UST: variants seen among roughly 807,000 people sequenced by gnomAD.
UST encodes the protein uronyl 2-sulfotransferase, also known as chondroitin sulfate 2-O-sulfotransferase.
UST carries 21 observed loss-of-function variants against 45.6 expected under a neutral mutation model. The ratio of observed to expected loss-of-function variants is 0.46; its 90% confidence interval spans 0.33 to 0.66. UST has a LOEUF of 0.66. Ranked by LOEUF, UST falls within the 30% of genes least tolerant of loss-of-function variation. UST has a pLI of 0.02. For missense variants in UST, 463 were observed against 512.4 expected, an observed-to-expected ratio of 0.90 and a Z score of 0.93; for synonymous variants, 215 against 200.6, an observed-to-expected ratio of 1.07 and a Z score of -0.61.
chr6:148,993,644 T>C, intron 5 of UST, among the ~76,000 whole-genome samples: 1 of 151,978 alleles, frequency 6.6e-6, no homozygotes, highest in East Asian at 1.9e-4. Flanking sequence ...AGTGATCAGA[T>C]CATTGACGCA....
intron 7 of UST, among the ~76,000 whole-genome samples, chr6:149,042,174 A>G (rs1776324234): frequency 6.6e-6 from 1 of 152,224 alleles, no homozygotes; most frequent in Non-Finnish European, 1.5e-5. Flanking sequence ...TGAAGTTTGT[A>G]TATGACGTCA....
chr6:148,807,482 T>C (rs571032231), intron 1 of UST, among the ~76,000 whole-genome samples: 129 of 152,158 alleles, frequency 8.5e-4, no homozygotes, highest in Non-Finnish European at 1.6e-3. Context: ...AATGAAGTTA[T>C]GAGAATGGAG....
intron 5 of UST, among the ~76,000 whole-genome samples, chr6:148,984,559 G>A (rs1781204036): frequency 6.6e-6 from 1 of 152,176 alleles, no homozygotes; most frequent in African/African-American, 2.4e-5. Context: ...TTTAGAGACG[G>A]GATCTCACTC....
At chr6:148,932,984 A>T (rs952316974) in intron 2 of UST, among the ~76,000 whole-genome samples, 1 of 152,182 alleles carries the variant, frequency 6.6e-6, no homozygotes, top group Non-Finnish European at 1.5e-5. Flanking sequence ...TACTTTGAGG[A>T]AACTTTGACT....
At chr6:148,854,613 G>A (rs1378882723) in intron 1 of UST, among the ~76,000 whole-genome samples, 1 of 151,888 alleles carries the variant, frequency 6.6e-6, no homozygotes, top group Non-Finnish European at 1.5e-5. Context: ...AGTCAGTGTT[G>A]GAAAACTCTA....
At chr6:148,867,878 G>A (rs1404008144) in intron 1 of UST, among the ~76,000 whole-genome samples, 2 of 152,208 alleles carry the variant, frequency 1.3e-5, no homozygotes, top group African/African-American at 4.8e-5. Context: ...AAGATGAGCA[G>A]TTTGCTGTGC....
intron 1 of UST, among the ~76,000 whole-genome samples, chr6:148,853,220 C>T (rs1028083457): frequency 3.9e-5 from 6 of 152,152 alleles, no homozygotes; most frequent in African/African-American, 1.2e-4. Context: ...TTTTCTGTGC[C>T]TGTGTTACTT....
chr6:149,039,293 C>A (rs1176845665), intron 7 of UST, among the ~76,000 whole-genome samples: 3 of 152,180 alleles, frequency 2.0e-5, no homozygotes, highest in Non-Finnish European at 4.4e-5. Flanking sequence ...GTGACACGAT[C>A]TTGACTCACC....
intron 1 of UST, among the ~76,000 whole-genome samples, chr6:148,831,760 A>G (rs1040157121): frequency 1.3e-5 from 2 of 152,176 alleles, no homozygotes; most frequent in Non-Finnish European, 2.9e-5. Flanking sequence ...GTGCCACTGC[A>G]TTCCAGCCTG....
chr6:148,787,132 A>C (rs1582811745), intron 1 of UST, among the ~76,000 whole-genome samples: 1 of 152,126 alleles, frequency 6.6e-6, no homozygotes, highest in Admixed American at 6.5e-5. Context: ...AGATTGCAAA[A>C]ATTTTCTCCC....
chr6:148,986,907 G>T (rs1243438928), intron 5 of UST, among the ~76,000 whole-genome samples: 3 of 152,214 alleles, frequency 2.0e-5, no homozygotes, highest in African/African-American at 7.2e-5. Context: ...ACACCACACT[G>T]CTCAGTAACT....
intron 7 of UST, among the ~76,000 whole-genome samples, chr6:149,042,932 T>A (rs1776335163): frequency 6.6e-6 from 1 of 150,800 alleles, no homozygotes; most frequent in African/African-American, 2.4e-5. Flanking sequence ...TCAGGGAATC[T>A]TTCAGCTGCT....
intron 1 of UST, among the ~76,000 whole-genome samples, chr6:148,802,405 G>A (rs962975068): frequency 2.0e-5 from 3 of 152,192 alleles, no homozygotes; most frequent in Admixed American, 6.5e-5. Context: ...TTTTTCACTT[G>A]TGAGAACACA....
chr6:149,069,835 C>G (rs990616095), intron 7 of UST, among the ~76,000 whole-genome samples: 1 of 152,130 alleles, frequency 6.6e-6, no homozygotes, highest in Non-Finnish European at 1.5e-5. Flanking sequence ...TTATATAGAC[C>G]AACATTTTGC....
At chr6:148,915,810 C>G (rs956421062) in intron 2 of UST, among the ~76,000 whole-genome samples, 1 of 140,372 alleles carries the variant, frequency 7.1e-6, no homozygotes, top group African/African-American at 2.5e-5. Flanking sequence ...TGTCCTAACA[C>G]CAGGCTGAAA....
intron 2 of UST, among the ~76,000 whole-genome samples, chr6:148,921,844 G>T (rs904847930): frequency 2.6e-5 from 4 of 152,106 alleles, no homozygotes; most frequent in African/African-American, 7.2e-5. Flanking sequence ...TGTCCCCACT[G>T]CCGCCACCCA....
At chr6:148,932,858 G>A (rs905303397) in intron 2 of UST, among the ~76,000 whole-genome samples, 4 of 152,224 alleles carry the variant, frequency 2.6e-5, no homozygotes, top group African/African-American at 9.6e-5. Flanking sequence ...AGAAGTGCAG[G>A]ATGCCACTCA....
intron 7 of UST, among the ~76,000 whole-genome samples, chr6:149,034,889 TC>T: frequency 1.8e-5 from 2 of 113,088 alleles, no homozygotes; most frequent in Admixed American, 8.9e-5. Flanking sequence ...TCTCTCTCTC[TC>T]TCTCTCCTTG....
intron 1 of UST, among the ~76,000 whole-genome samples, chr6:148,767,539 C>G (rs1776345013): frequency 6.6e-6 from 1 of 152,006 alleles, no homozygotes; most frequent in Non-Finnish European, 1.5e-5. Context: ...GTTAGGCATA[C>G]TATCAAAATT....
Sources: allele counts gnomAD v4.1 joint callset (sites outside exome capture counted in the v4.1 genomes callset), GRCh38; gene constraint gnomAD v4.1.1; transcripts MANE v1.5; gene names NCBI Gene and HGNC (gene_info 2026-07-23, HGNC 2026-07-21).